The following CHD6 variants were observed in gnomAD, a reference collection of about 807,000 sequenced individuals.
CHD6 encodes the protein chromodomain helicase DNA binding protein 6.
In CHD6, 50 loss-of-function variants were observed where a neutral mutation model predicts 276.9. The ratio of observed to expected loss-of-function variants is 0.18; its 90% CI spans 0.14 to 0.23. The LOEUF is 0.23. Ranked by LOEUF, CHD6 falls within the 10% of genes least tolerant of loss-of-function variation. The pLI is 1.00. For synonymous variants in CHD6, 1,173 were observed against 1,229.3 expected, an observed-to-expected ratio of 0.95 and a Z score of 0.96; for missense variants, 2,564 against 3,365.8, an observed-to-expected ratio of 0.76 and a Z score of 5.89.
At chr20:41,449,835 T>C (rs1296262338) in intron 23 of CHD6, among the ~76,000 whole-genome samples, 1 of 152,232 alleles carries the variant, frequency 6.6e-6, no homozygotes, top group Non-Finnish European at 1.5e-5. Context: ...GTCCCCTTGG[T>C]ATTCCCTTAC....
At chr20:41,593,208 G>GC (rs1274756006) in intron 1 of CHD6, among the ~76,000 whole-genome samples, 2 of 150,664 alleles carry the variant, frequency 1.3e-5, no homozygotes, top group African/African-American at 4.9e-5. Context: ...AAAAAGGGGG[G>GC]GGGGGGTTAA....
chr20:41,421,513 A>G lies in CHD6; in HGVS notation c.5122T>C (p.Tyr1708His). 1 of 1,612,882 alleles carries G rather than the reference A, an allele frequency of 6.2e-7. No homozygotes were observed. Among genetic ancestry groups the G allele is most frequent in the Admixed American group, 1.7e-5 (1 of 59,878 alleles). The part of the protein sequence containing the change: ...LLPESLESMM[Y>H]GKKVLSQEPS... ...TCTTGGCTGAGCACCTTCTTACCAT[A>G]CATCATGCTCTCTAAGGACTCAGGC... The change falls in exon 31 of 37, where the codon TAT becomes CAT. Residue 1708 changes from tyrosine to histidine, a missense_variant. Coordinates refer to ENST00000373233, the MANE Select transcript of CHD6 (RefSeq NM_032221.5).
chr20:41,405,664 C>T (rs946892659), intron 36 of CHD6, among the ~76,000 whole-genome samples, 175 bp from the exon 37 acceptor site: 2 of 152,214 alleles, frequency 1.3e-5, no homozygotes, highest in African/African-American at 4.8e-5. Context: ...CTGTACCTGA[C>T]AGGCTTCTCC....
At chr20:41,610,172 A>C (rs1458751222) in intron 1 of CHD6, among the ~76,000 whole-genome samples, 1 of 152,004 alleles carries the variant, frequency 6.6e-6, no homozygotes, top group Non-Finnish European at 1.5e-5. Flanking sequence ...TTATTTCTAC[A>C]GTAATTTCCT....
At chr20:41,450,881 G>A in intron 23 of CHD6, 65 bp downstream of exon 23, 2 of 1,456,258 alleles carry the variant, frequency 1.4e-6, no homozygotes, top group Non-Finnish European at 1.9e-6. Context: ...TCCCTGTGGG[G>A]TTCCCAGGAA....
chr20:41,595,881 C>A (rs1030342961), intron 1 of CHD6, among the ~76,000 whole-genome samples: 1 of 151,934 alleles, frequency 6.6e-6, no homozygotes, highest in African/African-American at 2.4e-5. Context: ...AAAGTCCTGT[C>A]TCCCAGGAGG....
intron 26 of CHD6, 111 bp downstream of exon 26, chr20:41,439,889 G>C: frequency 8.9e-7 from 1 of 1,119,882 alleles, no homozygotes; most frequent in Non-Finnish European, 1.3e-6. Context: ...GCAAGGTGTA[G>C]GGAGATGCCA....
Position 41,413,463 on chromosome 20 carries a change from C to A in CHD6, c.6992G>T (p.Gly2331Val). Reference protein sequence around the residue: ...QATLSTTHPEGPGPATSAPEP... With the variant: ...QATLSTTHPEVPGPATSAPEP... ...AGGAGCCGAGGTGGCAGGCCCTGGC[C>A]CCTCAGGGTGTGTGGTGCTCAAGGT... The change falls in exon 35 of 37, where the codon GGG becomes GTG. Residue 2331 changes from glycine (G) to valine (V), a missense_variant. Around this residue, in one of 7 missense-constraint regions of CHD6, gnomAD observed 1,024 missense variants for 1,047.9 expected, o/e 0.98. Transcript: ENST00000373233. 1 of 1,608,856 alleles carries A rather than the reference C, an allele frequency of 6.2e-7. No homozygotes were observed. Among genetic ancestry groups the A allele is most frequent in the Non-Finnish European group, 8.5e-7 (1 of 1,178,274 alleles).
chr20:41,598,384 T>C (rs563436849), intron 1 of CHD6, among the ~76,000 whole-genome samples: 2 of 152,206 alleles, frequency 1.3e-5, no homozygotes, highest in African/African-American at 4.8e-5. Context: ...ACCCTAGCTA[T>C]TGAAACAGGG....
At chr20:41,527,376 A>C (rs949582503) in intron 3 of CHD6, among the ~76,000 whole-genome samples, 1 of 151,882 alleles carries the variant, frequency 6.6e-6, no homozygotes, top group African/African-American at 2.4e-5. Flanking sequence ...AGCCGAGATC[A>C]CACCACTGCA....
At chr20:41,459,123 G>C (rs894834395) in intron 17 of CHD6, among the ~76,000 whole-genome samples, 2 of 152,116 alleles carry the variant, frequency 1.3e-5, no homozygotes, top group African/African-American at 4.8e-5. Flanking sequence ...TCCTATGTTT[G>C]CCCATAAGGG....
intron 1 of CHD6, among the ~76,000 whole-genome samples, chr20:41,611,879 C>T (rs1479749364): frequency 3.9e-5 from 6 of 152,144 alleles, no homozygotes; most frequent in Admixed American, 6.5e-5. Flanking sequence ...CTCAGGTGAT[C>T]GACCTGCCTC....
intron 31 of CHD6, 41 bp downstream of exon 31, chr20:41,420,467 A>G (rs111254468): frequency 6.4e-7 from 1 of 1,557,738 alleles, no homozygotes; most frequent in East Asian, 2.2e-5. Context: ...TCGTGTGTGA[A>G]CTAGTTTATC....
chr20:41,431,865 T>G (rs6029682), intron 27 of CHD6, among the ~76,000 whole-genome samples: 34,003 of 145,282 alleles, frequency 0.23, 4,063 homozygotes, highest in East Asian at 0.39. Context: ...AAAAAGGCCC[T>G]CAAAAAAAAC....
At chr20:41,450,271 C>T (rs2048196002) in intron 23 of CHD6, among the ~76,000 whole-genome samples, 1 of 152,190 alleles carries the variant, frequency 6.6e-6, no homozygotes, top group Non-Finnish European at 1.5e-5. Context: ...GGCCCTCACA[C>T]TGCCTACCAG....
At chr20:41,524,480 A>C (rs2044479958) in intron 3 of CHD6, among the ~76,000 whole-genome samples, 1 of 152,200 alleles carries the variant, frequency 6.6e-6, no homozygotes, top group Non-Finnish European at 1.5e-5. Context: ...TAAGATGAAA[A>C]AGCAGAGTTT....
intron 1 of CHD6, among the ~76,000 whole-genome samples, chr20:41,609,603 C>G (rs571571848): frequency 3.3e-5 from 5 of 152,182 alleles, no homozygotes; most frequent in Non-Finnish European, 5.9e-5. Flanking sequence ...CAGCCCTATC[C>G]GTGATTTTTA....
intron 1 of CHD6, among the ~76,000 whole-genome samples, chr20:41,608,484 C>G (rs1391525831): frequency 9.2e-5 from 14 of 152,196 alleles, no homozygotes; most frequent in Non-Finnish European, 1.9e-4. Flanking sequence ...CAGAGCACAG[C>G]TATCCCATAT....
chr20:41,548,545 A>G (rs1427549881), intron 2 of CHD6, among the ~76,000 whole-genome samples: 1 of 152,254 alleles, frequency 6.6e-6, no homozygotes, highest in Non-Finnish European at 1.5e-5. Flanking sequence ...AAAACGCTAG[A>G]AGAAAACCTA....
Sources: gnomAD v4.1 joint callset for allele counts (sites outside exome capture counted in the v4.1 genomes callset) on GRCh38, gnomAD v4.1.1 for gene constraint, gnomAD v4.1.1 regional missense constraint, MANE v1.5 for transcripts, NCBI Gene and HGNC (gene_info 2026-07-23, HGNC 2026-07-21) for gene names.